Variants in SHPRH observed in about 807,000 individuals in gnomAD.
SHPRH encodes E3 ubiquitin-protein ligase SHPRH.
In SHPRH, 106 loss-of-function variants were observed where a neutral mutation model predicts 202.5. The observed-to-expected ratio is 0.52, with a 90% confidence interval of 0.45 to 0.62. The LOEUF is 0.62. Ranked by LOEUF, SHPRH falls within the 20% of genes least tolerant of loss-of-function variation. The probability of loss-of-function intolerance (pLI) is 0.00; values close to 1 mark genes in which losing one functional copy is unlikely to be tolerated. For missense variants in SHPRH, 1,710 were observed against 2,020.0 expected (o/e 0.85, Z 2.94); for synonymous variants, 729 against 686.0 (o/e 1.06, Z -0.98).
chr6:145,882,468 G>C (rs544056856), downstream of SHPRH, among the ~76,000 whole-genome samples: 3 of 152,296 alleles, frequency 2.0e-5, no homozygotes, highest in South Asian at 6.2e-4. Context: ...ATTCCACACT[G>C]ATGCTTTCAC....
chr6:145,894,239 A>G lies in SHPRH; in HGVS notation c.4609-3T>C, dbSNP rs1330520114. 3 of 1,589,036 alleles carry G rather than the reference A, an allele frequency of 1.9e-6. No homozygotes were observed. Among genetic ancestry groups the G allele is most frequent in the African/African-American group, 1.4e-5 (1 of 73,308 alleles). Reference sequence around the variant, plus strand: ...ATAATATCTAATACATCTTGCCACTAGAACACATAAAACAATAAGAAAACC... The same window carrying G: ...ATAATATCTAATACATCTTGCCACTGGAACACATAAAACAATAAGAAAACC... On this transcript the variant is annotated splice_polypyrimidine_tract_variant and splice_region_variant and intron_variant, in intron 26 of 29. Transcript: ENST00000275233.
chr6:145,900,465 G>A (rs1356505480), intron 25 of SHPRH, among the ~76,000 whole-genome samples: 1 of 152,066 alleles, frequency 6.6e-6, no homozygotes, highest in Admixed American at 6.6e-5. Context: ...ACTCACAGAA[G>A]CAGAGAGCAG....
intron 2 of SHPRH, among the ~76,000 whole-genome samples, chr6:145,878,908 AGT>A (rs1318682917): frequency 2.6e-5 from 4 of 152,364 alleles, no homozygotes; most frequent in Admixed American, 6.5e-5. Flanking sequence ...AAAGCTAATC[AGT>A]GTGTATAACA....
At chr6:145,909,952 T>G (rs185854117) in intron 25 of SHPRH, 113 of 152,276 alleles carry the variant, frequency 7.4e-4, no homozygotes, top group Non-Finnish European at 1.3e-3. Context: ...AAGCCAAAAT[T>G]TGGCTTTATC....
chr6:145,884,169 GTAGTTGCATGTTGAA>G (rs2128703212), downstream of SHPRH: 1 of 134,832 alleles, frequency 7.4e-6, no homozygotes, highest in East Asian at 2.1e-4. Flanking sequence ...TAAAGTATTA[GTAGTTGCATGTTGAA>G]TTATCATGTT....
chr6:145,871,671 T>G (rs1017435690), intron 2 of SHPRH, among the ~76,000 whole-genome samples: 1 of 152,164 alleles, frequency 6.6e-6, no homozygotes, highest in Non-Finnish European at 1.5e-5. Context: ...ACCACTGACA[T>G]TCTTCACATA....
chr6:145,889,460 A>G (rs1447188765), intron 28 of SHPRH, among the ~76,000 whole-genome samples: 3 of 152,160 alleles, frequency 2.0e-5, no homozygotes, highest in East Asian at 1.9e-4. Flanking sequence ...ATCCCTAACC[A>G]AAAACCCAAA....
chr6:145,955,509 A>AT (rs921095229), intron 1 of SHPRH, among the ~76,000 whole-genome samples, 155 bp from the exon 2 acceptor site: 1 of 152,220 alleles, frequency 6.6e-6, no homozygotes, highest in African/African-American at 2.4e-5. Context: ...TTACCAGGTC[A>AT]TTATGACTAA....
intron 2 of SHPRH, among the ~76,000 whole-genome samples, chr6:145,875,705 T>C (rs1780270185): frequency 6.6e-6 from 1 of 152,228 alleles, no homozygotes; most frequent in African/African-American, 2.4e-5. Flanking sequence ...TAGTTATCTT[T>C]GTTTCATGTT....
At chr6:145,903,219 C>T (rs1011510493) in intron 25 of SHPRH, 55 of 151,264 alleles carry the variant, frequency 3.6e-4, no homozygotes, top group African/African-American at 1.3e-3. Flanking sequence ...TTATTTTATT[C>T]CTATTTTAAA....
chr6:145,860,653 A>T (rs1779550068), downstream of SHPRH, among the ~76,000 whole-genome samples: 1 of 152,096 alleles, frequency 6.6e-6, no homozygotes, highest in Non-Finnish European at 1.5e-5. Context: ...AGAATCCTAA[A>T]ATTTACTTGA....
chr6:145,896,193 A>C (rs981145868), intron 25 of SHPRH, among the ~76,000 whole-genome samples: 3 of 152,094 alleles, frequency 2.0e-5, no homozygotes, highest in African/African-American at 7.2e-5. Flanking sequence ...ATGATTCTAC[A>C]CTTATTTTCT....
intron 25 of SHPRH, chr6:145,907,942 G>A (rs565864813): frequency 1.6e-4 from 24 of 151,944 alleles, no homozygotes; most frequent in African/African-American, 5.8e-4. Context: ...ACAAGCCCTG[G>A]TGTGTGTGTT....
At chr6:145,917,354 C>T (rs933329605) in intron 23 of SHPRH, 1 of 152,100 alleles carries the variant, frequency 6.6e-6, no homozygotes, top group African/African-American at 2.4e-5. Context: ...ATCTAGAAAA[C>T]AGTTGAGTCA....
In SHPRH at chr6:145,919,570, CAA is replaced by C. The variant is rs149513286; in HGVS notation, c.4009-81_4009-80del. On this transcript the variant is annotated intron_variant, in intron 21 of 29. Transcript: ENST00000275233. ...TAAAACCACCAAGATGTGCCTTAAGCAAAAGTCTTCAATGAGATCTTACACTT... is the reference window on the plus strand; with the variant it reads ...TAAAACCACCAAGATGTGCCTTAAGCAAGTCTTCAATGAGATCTTACACTT... 3.7e-3 allele frequency: 5,569 copies of C among 1,495,134 alleles called. 158 individuals carry two copies. In the African/African-American group the frequency reaches 0.067, roughly 18 times the overall value. The allele number at this position is 1,495,134 out of a possible 1,614,324, so 92.6% of individuals were successfully genotyped here. A position where few individuals can be genotyped will look rare whatever the true frequency, so the allele number is the denominator to read the frequency against.
intron 1 of SHPRH, among the ~76,000 whole-genome samples, chr6:145,959,391 T>G (rs1311411618): frequency 1.3e-5 from 2 of 152,218 alleles, no homozygotes; most frequent in African/African-American, 4.8e-5. Flanking sequence ...GTGTGACAAC[T>G]GCCTACAGTA....
chr6:145,922,389 C>T lies in SHPRH; in HGVS notation c.3720-41G>A, dbSNP rs1344056747. 6 of 1,534,642 alleles carry T rather than the reference C, an allele frequency of 3.9e-6. No homozygotes were observed. The African/African-American group carries it at 4.4e-5, about 11-fold the overall frequency. On this transcript the variant is annotated intron_variant, in intron 19 of 29. Coordinates refer to ENST00000275233, the MANE Select transcript of SHPRH (RefSeq NM_001042683.3). ...TTAACAGAAATATTCACAAACATAA[C>T]CAGCAATCTGGTAATTTTAAGGAGA...
At chr6:145,948,238 T>A (rs773823987) in intron 5 of SHPRH, 34 bp downstream of exon 5, 1 of 1,465,444 alleles carries the variant, frequency 6.8e-7, no homozygotes, top group Non-Finnish European at 9.3e-7. Context: ...TATTTATTTT[T>A]TAAATCAAGC....
At chr6:145,946,204 G>A (rs1787355694) in intron 7 of SHPRH, 29 bp downstream of exon 7, 4 of 1,518,808 alleles carry the variant, frequency 2.6e-6, no homozygotes, top group Non-Finnish European at 3.6e-6. Flanking sequence ...CTATAAGAAG[G>A]TATTTCCTTT....
Sources: allele counts gnomAD v4.1 joint callset (sites outside exome capture counted in the v4.1 genomes callset), GRCh38; gene constraint gnomAD v4.1.1; transcripts MANE v1.5; gene names NCBI Gene and HGNC (gene_info 2026-07-23, HGNC 2026-07-21).